PPP2R3B: variants seen among roughly 807,000 people sequenced by gnomAD.
PPP2R3B encodes the protein serine/threonine-protein phosphatase 2A regulatory subunit B'' subunit beta.
Under a neutral mutation model 72.9 loss-of-function variants are expected in PPP2R3B, and 68 were observed. That is an observed-to-expected ratio of 0.93 (90% confidence interval 0.77 to 1.14). The LOEUF (loss-of-function observed/expected upper bound fraction) is 1.14, where lower values mean the gene tolerates loss of function less well. PPP2R3B is among the 50% of genes most tolerant of loss of function. The pLI, the probability that PPP2R3B is intolerant of heterozygous loss-of-function variation, is 0.00. For missense variants in PPP2R3B, 1,018 were observed against 842.0 expected (o/e 1.21, Z -2.59); for synonymous variants, 466 against 375.8 (o/e 1.24, Z -2.78).
chrX:340,463 TGTCCCCTCA>T (rs2071030609), intron 10 of PPP2R3B, among the ~76,000 whole-genome samples: 1 of 62,752 alleles, frequency 1.6e-5, no homozygotes, highest in African/African-American at 7.2e-5. Flanking sequence ...CCCTCCCGTC[TGTCCCCTCA>T]CCCTGGGCCG....
intron 1 of PPP2R3B, among the ~76,000 whole-genome samples, chrX:384,360 A>C (rs1379399753): frequency 1.3e-5 from 2 of 148,730 alleles, no homozygotes; most frequent in Non-Finnish European, 3.0e-5. Context: ...GCAGTGGTGC[A>C]ATCTCAGCTC....
chrX:368,387 G>GAGATCGGAA (rs1303798181), intron 1 of PPP2R3B, among the ~76,000 whole-genome samples: 1 of 80,972 alleles, frequency 1.2e-5, no homozygotes. Context: ...GGGAAGGCCG[G>GAGATCGGAA]GACCACCCAC....
At chrX:363,411 G>C (rs35787160) in intron 1 of PPP2R3B, among the ~76,000 whole-genome samples, 810 of 44,122 alleles carry the variant, frequency 0.018, 37 homozygotes, top group African/African-American at 0.064. Flanking sequence ...CAATCCCACA[G>C]TGCATCTCCC....
chrX:386,541 C>A lies in PPP2R3B; in HGVS notation c.151G>T (p.Asp51Tyr), dbSNP rs765248231. ...APGRDQPTPG[D>Y]GEQPGAWPTA... ...GGCCAGGCCCCGGGCTGCTCCCCGT[C>A]CCCCGGGGTCGGCTGGTCCCGCCCG... Residue 51 changes from aspartate to tyrosine, a missense_variant, in exon 1 of 13, where the codon GAC becomes TAC. Physicochemically the swap from Asp to Tyr is radical, Grantham distance 160. Coordinates refer to ENST00000390665, the MANE Select transcript of PPP2R3B (RefSeq NM_013239.5). 7.0e-7 allele frequency: 1 copy of A among 1,430,252 alleles called. No homozygotes were observed. Among genetic ancestry groups the A allele is most frequent in the Non-Finnish European group, 9.2e-7 (1 of 1,089,106 alleles). 88.6% of individuals were successfully genotyped at this position (1,430,252 alleles called of 1,614,324 possible).
intron 1 of PPP2R3B, among the ~76,000 whole-genome samples, chrX:379,999 CCA>C (rs1274287826): frequency 6.6e-6 from 1 of 152,130 alleles, no homozygotes; most frequent in Non-Finnish European, 1.5e-5. Flanking sequence ...CAACACAATT[CCA>C]CGGGGGGAGA....
At chrX:380,560 T>G (rs192182310) in intron 1 of PPP2R3B, among the ~76,000 whole-genome samples, 13,887 of 151,810 alleles carry the variant, frequency 0.091, 677 homozygotes, top group Middle Eastern at 0.14. Context: ...CTGGGGCGGG[T>G]GGATCACCTG....
chrX:366,920 T>G (rs372258271), intron 1 of PPP2R3B, among the ~76,000 whole-genome samples: 92 of 120,852 alleles, frequency 7.6e-4, no homozygotes, highest in Non-Finnish European at 1.4e-3. Flanking sequence ...CCCAGCTACT[T>G]GAGAGGCTGA....
rs371220784 is a variant in PPP2R3B, at chrX:359,805, C to T, written c.510+1600G>A. 1.1e-4 allele frequency: 55 copies of T among 506,820 alleles called. 1 individual carries two copies. In the East Asian group the frequency reaches 1.7e-3, roughly 15 times the overall value. 31.4% of individuals were successfully genotyped at this position (506,820 alleles called of 1,614,324 possible). ...TTGCTCATATTAAAAGCTAAAATAA[C>T]AATAAGAGGATAAACCAAAGCTATG... On this transcript the variant is annotated intron_variant, in intron 2 of 12. Transcript: ENST00000390665.
chrX:351,584 G>A (rs1384716228), intron 2 of PPP2R3B, among the ~76,000 whole-genome samples: 3 of 146,546 alleles, frequency 2.0e-5, no homozygotes, highest in African/African-American at 7.5e-5. Flanking sequence ...TGTTGCCCAG[G>A]CTGGAGTGCA....
intron 1 of PPP2R3B, among the ~76,000 whole-genome samples, chrX:382,907 T>C (rs1398104942): frequency 1.3e-5 from 2 of 152,020 alleles, no homozygotes; most frequent in East Asian, 1.9e-4. Context: ...AAGCAAGTCA[T>C]GGAGGGGAAC....
chrX:353,911 T>TCGCCCAAAGACC (rs1569395206), intron 2 of PPP2R3B, among the ~76,000 whole-genome samples: 1 of 118,686 alleles, frequency 8.4e-6, no homozygotes, highest in African/African-American at 3.3e-5. Context: ...ACCCAAAGAC[T>TCGCCCAAAGACC]GGGGCTCGCC....
intron 2 of PPP2R3B, among the ~76,000 whole-genome samples, chrX:354,146 AAACACC>A (rs1357247205): frequency 1.5e-5 from 2 of 133,700 alleles, no homozygotes; most frequent in Non-Finnish European, 3.0e-5. Context: ...GGGCTCACCC[AAACACC>A]GGGGGCTCAC....
chrX:370,032 G>A (rs2071823119), intron 1 of PPP2R3B, among the ~76,000 whole-genome samples: 2 of 152,104 alleles, frequency 1.3e-5, no homozygotes, highest in African/African-American at 4.8e-5. Flanking sequence ...CATTCTTCTC[G>A]GCCCAGCACT....
intron 1 of PPP2R3B, among the ~76,000 whole-genome samples, chrX:363,305 C>A (rs1478773543): frequency 2.0e-5 from 3 of 147,778 alleles, no homozygotes; most frequent in African/African-American, 5.0e-5. Context: ...GTGCATCTCC[C>A]CGAGCCCACC....
chrX:354,472 A>G (rs1331034110), intron 2 of PPP2R3B, among the ~76,000 whole-genome samples: 5 of 152,254 alleles, frequency 3.3e-5, no homozygotes, highest in Non-Finnish European at 5.9e-5. Flanking sequence ...GGACCAAAGG[A>G]AAACCTCACT....
In PPP2R3B at chrX:370,811, G is replaced by A. The variant is rs1419212139; in HGVS notation, c.325-9221C>T. Among the ~76,000 whole-genome samples the A allele has an allele frequency of 5.9e-5, 9 of 152,218 alleles. 1 individual carries two copies. Among genetic ancestry groups the A allele is most frequent in the Non-Finnish European group, 1.3e-4 (9 of 68,040 alleles). ...CGGTGAGAGCAGGAGGTGCGTCAGG[G>A]ACGCCCAGAGCCCAGGCTGTCACCA... On this transcript the variant is annotated intron_variant, in intron 1 of 12. Coordinates refer to ENST00000390665, the MANE Select transcript of PPP2R3B (RefSeq NM_013239.5).
At chrX:381,847 C>T (rs1383437266) in intron 1 of PPP2R3B, among the ~76,000 whole-genome samples, 1 of 152,130 alleles carries the variant, frequency 6.6e-6, no homozygotes. Context: ...ATCCGCCCGC[C>T]TCGGCCTCCC....
Position 386,814 on chromosome X carries a change from G to A in PPP2R3B, c.-123C>T. The A allele has an allele frequency of 4.2e-6, 2 of 480,030 alleles. No homozygotes were observed. Among genetic ancestry groups the A allele is most frequent in the Non-Finnish European group, 5.9e-6 (2 of 337,462 alleles). The allele number at this position is 480,030 out of a possible 1,614,324, so 29.7% of individuals were successfully genotyped here. A position where few individuals can be genotyped will look rare whatever the true frequency, so the allele number is the denominator to read the frequency against. On this transcript the variant is annotated 5_prime_UTR_variant, in exon 1 of 13. Coordinates refer to ENST00000390665, the MANE Select transcript of PPP2R3B (RefSeq NM_013239.5). ...GCCCGCTGAGGGGGCGCGGCGCAGG[G>A]AACAGGGCCCGCGCCTCGGGAACTG...
intron 1 of PPP2R3B, among the ~76,000 whole-genome samples, chrX:369,302 T>G (rs2071803902): frequency 6.6e-6 from 1 of 152,000 alleles, no homozygotes; most frequent in African/African-American, 2.4e-5. Flanking sequence ...CCACTTTAAA[T>G]CCTCCTCAGT....
Sources: gnomAD v4.1 joint callset for allele counts (sites outside exome capture counted in the v4.1 genomes callset) on GRCh38, gnomAD v4.1.1 for gene constraint, MANE v1.5 for transcripts, NCBI Gene and HGNC (gene_info 2026-07-23, HGNC 2026-07-21) for gene names.